ZNF106: variants seen among roughly 807,000 people sequenced by gnomAD.
The protein encoded by ZNF106 is zinc finger protein 106.
A neutral mutation model predicts 195.1 loss-of-function variants in ZNF106; 67 were observed. The observed-to-expected ratio is 0.34, with a 90% confidence interval of 0.28 to 0.42. The LOEUF (loss-of-function observed/expected upper bound fraction) is 0.42. Among genes scored for constraint, ZNF106 ranks in the 10% least tolerant of loss-of-function variants. ZNF106 has a pLI of 1.00. For missense variants in ZNF106, 2,118 were observed against 2,304.5 expected (o/e 0.92, Z 1.66); for synonymous variants, 784 against 818.6 (o/e 0.96, Z 0.72).
chr15:42,451,273 G>A lies in ZNF106; in HGVS notation c.999C>T (p.Gly333=). The part of the protein sequence containing the change: ...GFTSDKFPSE[G]LLDFNFEQLE... ...GCTGCTCAAAATTGAAGTCGAGTAA[G>A]CCTTCTGAAGGAAATTTATCACTTG... is the stretch of plus-strand genomic sequence containing the variant. The change falls in exon 5 of 22, where the codon GGC becomes GGT. Residue 333 remains glycine, a synonymous_variant. Coordinates refer to ENST00000564754, the MANE Select transcript of ZNF106 (RefSeq NM_001366845.3). 4 of 1,614,144 alleles carry A rather than the reference G, an allele frequency of 2.5e-6. No individual in the cohort carries two copies. Among genetic ancestry groups the A allele is most frequent in the Non-Finnish European group, 3.4e-6 (4 of 1,180,028 alleles).
chr15:42,436,234 T>C (rs1260217943), intron 13 of ZNF106, among the ~76,000 whole-genome samples: 4 of 152,182 alleles, frequency 2.6e-5, no homozygotes, highest in African/African-American at 9.7e-5. Context: ...ATTATAGGTG[T>C]GAGCCACTGT....
chr15:42,464,396 T>A (rs952798127), intron 3 of ZNF106, among the ~76,000 whole-genome samples: 1 of 151,680 alleles, frequency 6.6e-6, no homozygotes, highest in Non-Finnish European at 1.5e-5. Context: ...GGATAAGATA[T>A]AATTCCTATT....
chr15:42,486,692 A>G (rs577052369), intron 1 of ZNF106, among the ~76,000 whole-genome samples: 1 of 152,274 alleles, frequency 6.6e-6, no homozygotes, highest in African/African-American at 2.4e-5. Flanking sequence ...ACTCTTTTTT[A>G]TATCAATTAA....
At chr15:42,444,144 G>C in intron 9 of ZNF106, 58 bp downstream of exon 9, 2 of 543,006 alleles carry the variant, frequency 3.7e-6, no homozygotes, top group Non-Finnish European at 5.8e-6. Context: ...AAAAAGCAGA[G>C]AAAACAAAAA....
chr15:42,424,263 ATTAC>A (rs2054772987), intron 16 of ZNF106: 2 of 534,334 alleles, frequency 3.7e-6, no homozygotes, highest in Non-Finnish European at 6.7e-6. Flanking sequence ...ACAATGTATT[ATTAC>A]GTTTGTTACC....
At chr15:42,426,798 C>G (rs1463037256) in intron 15 of ZNF106, among the ~76,000 whole-genome samples, 1 of 152,170 alleles carries the variant, frequency 6.6e-6, no homozygotes, top group Non-Finnish European at 1.5e-5. Context: ...ACTTTCCTCT[C>G]CATTTCTATT....
At chr15:42,458,051 A>G (rs779362135) in intron 3 of ZNF106, among the ~76,000 whole-genome samples, 1 of 152,208 alleles carries the variant, frequency 6.6e-6, no homozygotes, top group Non-Finnish European at 1.5e-5. Context: ...TGACTGGGTC[A>G]GCTGACTATG....
chr15:42,435,265 T>C, intron 14 of ZNF106, 119 bp downstream of exon 14: 1 of 1,402,364 alleles, frequency 7.1e-7, no homozygotes, highest in Non-Finnish European at 9.8e-7. Flanking sequence ...AAACATTGTT[T>C]AGAAGCAAAA....
chr15:42,439,560 A>C lies in ZNF106; in HGVS notation c.4017T>G (p.Phe1339Leu). 1 of 1,614,220 alleles carries C rather than the reference A, an allele frequency of 6.2e-7. No homozygotes were observed. Among genetic ancestry groups the C allele is most frequent in the Non-Finnish European group, 8.5e-7 (1 of 1,180,036 alleles). The change falls in exon 11 of 22, where the codon TTT becomes TTG. Residue 1339 changes from phenylalanine (F) to leucine (L), a missense_variant. Transcript: ENST00000564754. ...CCTTCTCCAAAGGGGTTTCTGAAGC[A>C]AAAGACAATCTTAGAAAAGAACTGG... ...ACTSSFLRLS[F>L]ASETPLEKEP...
intron 1 of ZNF106, among the ~76,000 whole-genome samples, chr15:42,485,427 C>T (rs1267428846): frequency 6.6e-6 from 1 of 152,182 alleles, no homozygotes; most frequent in Non-Finnish European, 1.5e-5. Flanking sequence ...AAATAAATTA[C>T]TTCCAGCTGA....
intron 6 of ZNF106, 21 bp from the exon 7 acceptor site, chr15:42,446,679 G>A (rs1173751418): frequency 6.3e-7 from 1 of 1,576,274 alleles, no homozygotes; most frequent in Non-Finnish European, 8.6e-7. Flanking sequence ...AAAGAAAACT[G>A]AATAAAATCC....
intron 14 of ZNF106, among the ~76,000 whole-genome samples, chr15:42,434,513 T>A (rs941171603): frequency 3.9e-5 from 6 of 152,178 alleles, no homozygotes; most frequent in Admixed American, 2.6e-4. Flanking sequence ...TATAAGATCC[T>A]TGTCCTAGCA....
At position 42,414,029 on chromosome 15, in the gene ZNF106, T is replaced by G. The variant is rs906944101; in HGVS notation, c.*3275A>C. Reference sequence around the variant, plus strand: ...CAAAAAGATTTATACTATGGTTTTCTTGGCTTTAAGCCATTAGAATTAGAC... The same window carrying G: ...CAAAAAGATTTATACTATGGTTTTCGTGGCTTTAAGCCATTAGAATTAGAC... On this transcript the variant is annotated 3_prime_UTR_variant, in exon 22 of 22. Coordinates refer to ENST00000564754, the MANE Select transcript of ZNF106 (RefSeq NM_001366845.3). 6.6e-6 allele frequency: 1 copy of G among 152,256 alleles called. No individual in the cohort carries two copies. The highest frequency in any genetic ancestry group is 2.4e-5 in the African/African-American group (1 of 41,466). The allele number at this position is 152,256 out of a possible 1,614,324, so 9.4% of individuals were successfully genotyped here.
At chr15:42,452,793 C>T (rs532128138) in intron 4 of ZNF106, among the ~76,000 whole-genome samples, 1 of 144,618 alleles carries the variant, frequency 6.9e-6, no homozygotes, top group African/African-American at 2.6e-5. Context: ...TCAAGCAATT[C>T]TCCTGCCTCA....
chr15:42,475,886 G>T (rs144648875), intron 1 of ZNF106, among the ~76,000 whole-genome samples: 1 of 152,106 alleles, frequency 6.6e-6, no homozygotes, highest in Non-Finnish European at 1.5e-5. Flanking sequence ...GTGACTCTCT[G>T]GTAGAAATTA....
chr15:42,420,694 G>A (rs995447736), intron 20 of ZNF106, among the ~76,000 whole-genome samples: 1 of 152,062 alleles, frequency 6.6e-6, no homozygotes, highest in South Asian at 2.1e-4. Context: ...ATGAACTAAG[G>A]TTTAGAACTT....
At chr15:42,417,556 A>G (rs982029962) in intron 21 of ZNF106, among the ~76,000 whole-genome samples, 196 bp from the exon 22 acceptor site, 8 of 152,190 alleles carry the variant, frequency 5.3e-5, no homozygotes, top group Non-Finnish European at 8.8e-5. Flanking sequence ...AGAGCACTGT[A>G]ATAAATCTCC....
intron 2 of ZNF106, among the ~76,000 whole-genome samples, chr15:42,469,585 T>C (rs956887076): frequency 2.6e-5 from 4 of 152,054 alleles, no homozygotes; most frequent in Admixed American, 2.6e-4. Flanking sequence ...CACCTGTAAT[T>C]ACGCCCAGTA....
chr15:42,448,727 G>GA (rs765625904), intron 5 of ZNF106, 22 bp from the exon 6 acceptor site: 10 of 1,568,420 alleles, frequency 6.4e-6, no homozygotes, highest in Non-Finnish European at 8.6e-6. Context: ...AAGAAAAAAT[G>GA]AAAACATAAA....
Sources: gnomAD v4.1 joint callset for allele counts (sites outside exome capture counted in the v4.1 genomes callset) on GRCh38, gnomAD v4.1.1 for gene constraint, MANE v1.5 for transcripts, NCBI Gene and HGNC (gene_info 2026-07-23, HGNC 2026-07-21) for gene names.